Variants in LY6G6F observed in about 807,000 individuals in gnomAD.
LY6G6F encodes the protein lymphocyte antigen 6 complex locus protein G6f.
Under a neutral mutation model 33.0 loss-of-function variants are expected in LY6G6F, and 26 were observed. The observed-to-expected ratio is 0.79, with a 90% CI of 0.58 to 1.09. The LOEUF (loss-of-function observed/expected upper bound fraction) is 1.09, where lower values mean the gene tolerates loss of function less well. Ranked by LOEUF, LY6G6F falls within the 50% of genes least tolerant of loss-of-function variation. The pLI is 0.00. For synonymous variants in LY6G6F, 132 were observed against 148.1 expected (o/e 0.89, Z 0.79); for missense variants, 317 against 372.0 (o/e 0.85, Z 1.22).
chr6:31,709,229 GC>G (rs1805841465), intron 3 of LY6G6F, among the ~76,000 whole-genome samples: 2 of 150,210 alleles, frequency 1.3e-5, no homozygotes, highest in South Asian at 4.2e-4. Context: ...CTGCCACCAC[GC>G]CTGGCTAACT....
intron 3 of LY6G6F, among the ~76,000 whole-genome samples, chr6:31,709,691 G>C (rs1232376593): frequency 1.3e-5 from 2 of 152,118 alleles, no homozygotes; most frequent in African/African-American, 4.8e-5. Context: ...ACTGCGCCTG[G>C]CCTCAATTTT....
At position 31,707,079 on chromosome 6, in the gene LY6G6F, A is replaced by G. The variant is rs914670324; in HGVS notation, c.52+121A>G. On this transcript the variant is annotated intron_variant, in intron 1 of 5. Coordinates refer to ENST00000375832, the MANE Select transcript of LY6G6F (RefSeq NM_001003693.3). The surrounding 1 kb of genome is among the most constrained non-coding windows in gnomAD (Gnocchi z 4.1). ...CAAGAAGATAGAATTACCCCAACCA[A>G]CCTCCTCCTGCCTCTGACACTAGGG... 9.6e-7 allele frequency: 1 copy of G among 1,044,838 alleles called. No individual in the cohort carries two copies. Among genetic ancestry groups the G allele is most frequent in the Non-Finnish European group, 1.5e-6 (1 of 683,090 alleles). The allele number at this position is 1,044,838 out of a possible 1,614,324, so 64.7% of individuals were successfully genotyped here. A position where few individuals can be genotyped will look rare whatever the true frequency, so the allele number is the denominator to read the frequency against.
At chr6:31,709,992 C>A in intron 3 of LY6G6F, 34 bp from the exon 4 acceptor site, 2 of 1,590,194 alleles carry the variant, frequency 1.3e-6, no homozygotes, top group Non-Finnish European at 1.7e-6. Flanking sequence ...CTCACTACCT[C>A]CCTCCCATCC....
At chr6:31,708,208 C>T (rs9267548) in intron 3 of LY6G6F, 74 bp downstream of exon 3, 144,259 of 1,483,796 alleles carry the variant, frequency 0.097, 8,616 homozygotes, top group African/African-American at 0.25. Flanking sequence ...TACAGGCGCC[C>T]GCCACCATGC....
chr6:31,710,613 A>C lies in LY6G6F; in HGVS notation c.*22A>C. 6.2e-7 allele frequency: 1 copy of C among 1,614,020 alleles called. No homozygotes were observed. The highest frequency in any genetic ancestry group is 8.5e-7 in the Non-Finnish European group (1 of 1,180,008). On this transcript the variant is annotated 3_prime_UTR_variant, in exon 6 of 6. Coordinates refer to ENST00000375832, the MANE Select transcript of LY6G6F (RefSeq NM_001003693.3). This position sits in a 1 kb window ranked among gnomAD's most constrained non-coding sequence, Gnocchi z 4.7. ...GTGATTTTGGTGACATCTGCTGGGA[A>C]GTGTGACCTGCTGTCTCGCTGGCCA...
chr6:31,708,114 G>T lies in LY6G6F; in HGVS notation c.626G>T (p.Gly209Val). The T allele has an allele frequency of 1.3e-6, 2 of 1,571,758 alleles. No individual in the cohort carries two copies. The highest frequency in any genetic ancestry group is 2.7e-5 in the African/African-American group (2 of 73,796). The change falls in exon 3 of 6, where the codon GGG becomes GTG. Residue 209 changes from glycine to valine, a missense_variant. Gly to Val is a moderately radical substitution (Grantham distance 109). Transcript: ENST00000375832. ...IIRCLMTHNK[G>V]VSFSLAASID... ...CGCTGCCTCATGACTCACAACAAAG[G>T]GGTCAGCTTTAGCCTGGCAGGTAAA... is the stretch of plus-strand genomic sequence containing the variant.
In LY6G6F at chr6:31,708,148, G is replaced by A. The variant is rs1178085109; in HGVS notation, c.646+14G>A. ...TTAGCCTGGCAGGTAAACTGAGGAA[G>A]GAGACGGAAAGGGATGTTCTTTCAC... is the stretch of plus-strand genomic sequence containing the variant. On this transcript the variant is annotated intron_variant, in intron 3 of 5. Coordinates refer to ENST00000375832, the MANE Select transcript of LY6G6F (RefSeq NM_001003693.3). 15 of 1,520,914 alleles carry A rather than the reference G, an allele frequency of 9.9e-6. No individual in the cohort carries two copies. The highest frequency in any genetic ancestry group is 1.3e-5 in the Non-Finnish European group (15 of 1,134,420). The allele number at this position is 1,520,914 out of a possible 1,614,324, so 94.2% of individuals were successfully genotyped here. A position where few individuals can be genotyped will look rare whatever the true frequency, so the allele number is the denominator to read the frequency against.
Position 31,710,417 on chromosome 6 carries a change from G to C in LY6G6F, c.868G>C (p.Gly290Arg). 6.2e-7 allele frequency: 1 copy of C among 1,614,148 alleles called. No individual in the cohort carries two copies. The highest frequency in any genetic ancestry group is 8.5e-7 in the Non-Finnish European group (1 of 1,180,018). Residue 290 changes from glycine to arginine, a missense_variant and splice_region_variant, in exon 5 of 6, where the codon GGC becomes CGC. Gly to Arg is a moderately radical substitution (Grantham distance 125). Coordinates refer to ENST00000375832, the MANE Select transcript of LY6G6F (RefSeq NM_001003693.3). The surrounding 1 kb of genome is among the most constrained non-coding windows in gnomAD (Gnocchi z 4.7). ...TGAGAACATCCATTTGGCCCGTCTT[G>C]GGTGAGGAACAGCTAGGGAACAGAG... ...VYENIHLARL[G>R]PPAHKPR is the part of the protein sequence containing the mutation.
Position 31,709,064 on chromosome 6 carries a change from C to CTTTT in LY6G6F, c.647-939_647-936dup, listed in dbSNP as rs71552074. On this transcript the variant is annotated intron_variant, in intron 3 of 5. Coordinates refer to ENST00000375832, the MANE Select transcript of LY6G6F (RefSeq NM_001003693.3). Reference sequence around the variant, plus strand: ...ATAGGTGTGAGCCACCACGCCTGGCCTTTTTTTTTTTTTTTTTTTTTTTTT... The same window carrying CTTTT: ...ATAGGTGTGAGCCACCACGCCTGGCCTTTTTTTTTTTTTTTTTTTTTTTTTTTTT... Among the ~76,000 whole-genome samples the CTTTT allele has an allele frequency of 2.7e-4, 14 of 52,218 alleles. 2 individuals carry two copies. Among genetic ancestry groups the CTTTT allele is most frequent in the African/African-American group, 5.0e-4 (5 of 10,040 alleles). 34.3% of individuals were successfully genotyped at this position (52,218 alleles called of 152,430 possible).
Position 31,710,459 on chromosome 6 carries a change from G to A in LY6G6F, c.869+41G>A, listed in dbSNP as rs1269503330. 1 of 1,613,790 alleles carries A rather than the reference G, an allele frequency of 6.2e-7. No homozygotes were observed. ...GGAACAGAGGCTTAAATCCTGGAGG[G>A]GACTGGGGATGGAGAGGAAACACGG... On this transcript the variant is annotated intron_variant, in intron 5 of 5. Coordinates refer to ENST00000375832, the MANE Select transcript of LY6G6F (RefSeq NM_001003693.3). This position sits in a 1 kb window ranked among gnomAD's most constrained non-coding sequence, Gnocchi z 4.7.
intron 3 of LY6G6F, among the ~76,000 whole-genome samples, chr6:31,709,268 GT>G (rs753450115): frequency 1.8e-4 from 25 of 138,802 alleles, no homozygotes; most frequent in African/African-American, 5.1e-4. Context: ...GTTTTTTTTT[GT>G]TTTTTTTTTG....
rs564606778 is a variant in LY6G6F at position 31,708,215 on chromosome 6, A to G, written c.646+81A>G. ...GCTGGAATTACAGGCGCCCGCCACC[A>G]TGCCTGGATAATTTTTTGTACTTTT... is the stretch of plus-strand genomic sequence containing the variant. On this transcript the variant is annotated intron_variant, in intron 3 of 5. Coordinates refer to ENST00000375832, the MANE Select transcript of LY6G6F (RefSeq NM_001003693.3). 41 of 1,478,178 alleles carry G rather than the reference A, an allele frequency of 2.8e-5. No individual in the cohort carries two copies. In the East Asian group the frequency reaches 3.9e-4, roughly 14 times the overall value. The allele number at this position is 1,478,178 out of a possible 1,614,324, so 91.6% of individuals were successfully genotyped here.
chr6:31,708,193 G>A (rs1805763023), intron 3 of LY6G6F, 59 bp downstream of exon 3: 2 of 1,498,104 alleles, frequency 1.3e-6, no homozygotes, highest in Non-Finnish European at 1.8e-6. Context: ...CCAAGTAGCT[G>A]GAATTACAGG....
At chr6:31,708,922 A>G (rs1805811932) in intron 3 of LY6G6F, among the ~76,000 whole-genome samples, 1 of 140,372 alleles carries the variant, frequency 7.1e-6, no homozygotes, top group Admixed American at 7.1e-5. Context: ...GCGAAGCTCT[A>G]TCTCAAAAAA....
At position 31,708,041 on chromosome 6, in the gene LY6G6F, C is replaced by A; in HGVS notation, c.553C>A (p.Pro185Thr). The change falls in exon 3 of 6, where the codon CCT becomes ACT. Residue 185 changes from proline (P) to threonine (T), a missense_variant. Pro to Thr is a conservative substitution (Grantham distance 38, BLOSUM62 -1). Transcript: ENST00000375832. The stretch of plus-strand genomic sequence containing the variant: ...TGAGGCTGCCCTGCTCTTGGTGTGT[C>A]CTGGGGAGGGGCTTTCTGAGCCCAG... ...GSEAALLLVC[P>T]GEGLSEPRSR... The A allele has an allele frequency of 6.2e-7, 1 of 1,612,372 alleles. No homozygotes were observed.
Position 31,710,249 on chromosome 6 carries a change from C to T in LY6G6F, c.802+68C>T. 1.2e-6 allele frequency: 2 copies of T among 1,611,054 alleles called. No individual in the cohort carries two copies. Among genetic ancestry groups the T allele is most frequent in the Non-Finnish European group, 1.7e-6 (2 of 1,178,626 alleles). ...GGGAGGCAAAGGGCTAGGCTCACAC[C>T]CCGCCTCTGTACCCCACCTCCTCTA... is the stretch of plus-strand genomic sequence containing the variant. On this transcript the variant is annotated intron_variant, in intron 4 of 5. Coordinates refer to ENST00000375832, the MANE Select transcript of LY6G6F (RefSeq NM_001003693.3). This position sits in a 1 kb window ranked among gnomAD's most constrained non-coding sequence, Gnocchi z 4.7.
At chr6:31,708,180 C>T in intron 3 of LY6G6F, 46 bp downstream of exon 3, 1 of 1,504,176 alleles carries the variant, frequency 6.6e-7, no homozygotes, top group Non-Finnish European at 8.9e-7. Context: ...TCACTTCAGC[C>T]TCCCAAGTAG....
intron 3 of LY6G6F, among the ~76,000 whole-genome samples, chr6:31,709,452 G>C (rs1350494406): frequency 6.6e-6 from 1 of 151,918 alleles, no homozygotes; most frequent in Admixed American, 6.6e-5. Context: ...TGGAGCCGGG[G>C]TTTCACCATG....
intron 3 of LY6G6F, among the ~76,000 whole-genome samples, chr6:31,709,581 A>G (rs972299447): frequency 2.6e-5 from 4 of 151,306 alleles, no homozygotes; most frequent in African/African-American, 7.3e-5. Flanking sequence ...TTTAGTAGAG[A>G]TGGGGTTTCA....
Sources: gnomAD v4.1 joint callset for allele counts (sites outside exome capture counted in the v4.1 genomes callset) on GRCh38, gnomAD v4.1.1 for gene constraint, Gnocchi (gnomAD v3.1) non-coding constraint, MANE v1.5 for transcripts, NCBI Gene and HGNC (gene_info 2026-07-23, HGNC 2026-07-21) for gene names.